Variants in KAZN observed in about 807,000 individuals in gnomAD.
KAZN encodes kazrin.
A neutral mutation model predicts 87.4 loss-of-function variants in KAZN; 40 were observed. The observed-to-expected ratio is 0.46, with a 90% CI of 0.36 to 0.60. The LOEUF (loss-of-function observed/expected upper bound fraction) is 0.60, where lower values mean the gene tolerates loss of function less well. Among genes scored for constraint, KAZN ranks in the 20% least tolerant of loss-of-function variants. The pLI, the probability that KAZN is intolerant of heterozygous loss-of-function variation, is 0.00. For synonymous variants in KAZN, 466 were observed against 458.3 expected, an observed-to-expected ratio of 1.02 and a Z score of -0.22; for missense variants, 898 against 1,073.9, an observed-to-expected ratio of 0.84 and a Z score of 2.29.
chr1:13,957,485 A>G (rs1033658813), intron 1 of KAZN, among the ~76,000 whole-genome samples: 1 of 152,108 alleles, frequency 6.6e-6, no homozygotes, highest in African/African-American at 2.4e-5. Context: ...TAGTCCATTT[A>G]GTGTTGCTAT....
intron 2 of KAZN, among the ~76,000 whole-genome samples, chr1:14,441,320 T>C (rs910094341): frequency 2.6e-5 from 4 of 152,038 alleles, no homozygotes; most frequent in Non-Finnish European, 2.9e-5. Context: ...GAACTTCCAT[T>C]AGCATTATCT....
At position 14,781,710 on chromosome 1, in the gene KAZN, G is replaced by A. The variant is rs542106856; in HGVS notation, c.227-178974G>A. On this transcript the variant is annotated intron_variant, in intron 1 of 14. Transcript: ENST00000376030. ...CAAGAGGCCGGGGGCAGTGGCTCAC[G>A]CCTGTAATCCCAGCCCAGCACTTTG... Among the ~76,000 whole-genome samples, 5 of 152,186 alleles carry A rather than the reference G, an allele frequency of 3.3e-5. No homozygotes were observed. The South Asian group carries it at 1.0e-3, about 32-fold the overall frequency.
chr1:14,840,774 T>TAA (rs1209039926), intron 1 of KAZN, among the ~76,000 whole-genome samples: 1 of 152,238 alleles, frequency 6.6e-6, no homozygotes, highest in Non-Finnish European at 1.5e-5. Flanking sequence ...GTCATATATG[T>TAA]AAGTGTTCAT....
intron 2 of KAZN, among the ~76,000 whole-genome samples, chr1:14,370,715 A>G (rs1201035700): frequency 6.6e-6 from 1 of 152,182 alleles, no homozygotes; most frequent in Non-Finnish European, 1.5e-5. Context: ...AGTTTGAGAC[A>G]CTGTCTCACT....
At chr1:14,005,779 C>G (rs1407040189) in intron 1 of KAZN, among the ~76,000 whole-genome samples, 1 of 152,152 alleles carries the variant, frequency 6.6e-6, no homozygotes, top group East Asian at 1.9e-4. Flanking sequence ...GACAATGGGG[C>G]TCTTCAGATT....
chr1:14,162,709 T>A (rs1011181823), intron 1 of KAZN, among the ~76,000 whole-genome samples: 3 of 152,098 alleles, frequency 2.0e-5, no homozygotes, highest in African/African-American at 7.2e-5. Flanking sequence ...CATGGCTGGC[T>A]AATTTTTTGT....
intron 2 of KAZN, among the ~76,000 whole-genome samples, chr1:14,325,450 A>G (rs1656342740): frequency 6.6e-6 from 1 of 152,230 alleles, no homozygotes; most frequent in Non-Finnish European, 1.5e-5. Context: ...TTCATCTGAC[A>G]TGACCTCTGA....
At chr1:14,523,706 G>T (rs1414476890) in intron 2 of KAZN, among the ~76,000 whole-genome samples, 2 of 152,106 alleles carry the variant, frequency 1.3e-5, no homozygotes, top group Non-Finnish European at 2.9e-5. Context: ...GTGTTCCCAC[G>T]CAGGTGACAG....
chr1:14,786,469 A>G (rs1351055840), intron 1 of KAZN, among the ~76,000 whole-genome samples: 1 of 152,202 alleles, frequency 6.6e-6, no homozygotes, highest in Non-Finnish European at 1.5e-5. Context: ...TTGTGAGCAC[A>G]TAGAGCTGAA....
At chr1:13,937,875 T>C (rs1261196014) in intron 1 of KAZN, among the ~76,000 whole-genome samples, 1 of 152,222 alleles carries the variant, frequency 6.6e-6, no homozygotes, top group Non-Finnish European at 1.5e-5. Flanking sequence ...TTCTGTTCAA[T>C]TGACCTATGT....
At chr1:14,739,790 TA>T (rs1219125190) in intron 1 of KAZN, among the ~76,000 whole-genome samples, 1 of 151,728 alleles carries the variant, frequency 6.6e-6, no homozygotes, top group Non-Finnish European at 1.5e-5. Flanking sequence ...TCACTTAGAA[TA>T]AAAAAATGTT....
intron 1 of KAZN, among the ~76,000 whole-genome samples, chr1:14,956,511 CAGG>C (rs1663129042): frequency 6.6e-6 from 1 of 151,618 alleles, no homozygotes; most frequent in Admixed American, 6.6e-5. Context: ...GAGGCTGAGG[CAGG>C]AGAATTGCTT....
At chr1:13,953,590 A>G (rs2206584) in intron 1 of KAZN, among the ~76,000 whole-genome samples, 126,856 of 152,124 alleles carry the variant, frequency 0.83, 52,910 homozygotes, top group South Asian at 0.93. Flanking sequence ...TTTCTATGTT[A>G]GTAACCCTTT....
At chr1:14,510,031 G>A (rs1670817409) in intron 2 of KAZN, among the ~76,000 whole-genome samples, 1 of 152,294 alleles carries the variant, frequency 6.6e-6, no homozygotes, top group Middle Eastern at 3.4e-3. Context: ...AGTGTGAGAT[G>A]GAGTTAGAAA....
chr1:14,941,266 T>C (rs1661043244), intron 1 of KAZN, among the ~76,000 whole-genome samples: 1 of 152,064 alleles, frequency 6.6e-6, no homozygotes, highest in African/African-American at 2.4e-5. Context: ...CCCAGTGCCA[T>C]CAGGTCAAAA....
chr1:14,383,069 G>T (rs1353656654), intron 2 of KAZN, among the ~76,000 whole-genome samples: 3 of 151,740 alleles, frequency 2.0e-5, no homozygotes, highest in Admixed American at 1.3e-4. Context: ...CTGATGGCCA[G>T]TGATGGTGAG....
intron 4 of KAZN, among the ~76,000 whole-genome samples, chr1:15,050,160 G>GATAT (rs1674200470): frequency 9.2e-5 from 1 of 10,890 alleles, no homozygotes. Context: ...GAATAGAATG[G>GATAT]AATAGAATAG....
intron 1 of KAZN, among the ~76,000 whole-genome samples, chr1:14,063,432 G>A (rs1642873899): frequency 6.6e-6 from 1 of 152,120 alleles, no homozygotes; most frequent in South Asian, 2.1e-4. Flanking sequence ...ATTCAAAATG[G>A]AGATCAAATA....
At chr1:14,799,925 T>C (rs977354707) in intron 1 of KAZN, among the ~76,000 whole-genome samples, 3 of 152,330 alleles carry the variant, frequency 2.0e-5, no homozygotes, top group Middle Eastern at 3.4e-3. Context: ...CGGTATTAGA[T>C]AATAGATGTC....
Sources: gnomAD v4.1 joint callset for allele counts (sites outside exome capture counted in the v4.1 genomes callset) on GRCh38, gnomAD v4.1.1 for gene constraint, MANE v1.5 for transcripts, NCBI Gene and HGNC (gene_info 2026-07-23, HGNC 2026-07-21) for gene names.